RPL10: variants seen among roughly 807,000 people sequenced by gnomAD.
RPL10 encodes the protein large ribosomal subunit protein uL16.
In RPL10, 1 loss-of-function variant was observed where a neutral mutation model predicts 15.7. That is an observed-to-expected ratio of 0.06 (90% confidence interval 0.02 to 0.30). The LOEUF is 0.30. RPL10 is among the 10% of genes least tolerant of loss of function. RPL10 has a pLI of 1.00. For missense variants in RPL10, 54 were observed against 183.4 expected, an observed-to-expected ratio of 0.29 and a Z score of 4.08; for synonymous variants, 59 against 64.0, an observed-to-expected ratio of 0.92 and a Z score of 0.37.
At chrX:154,400,081 G>T in intron 5 of RPL10, 140 bp downstream of exon 5, 1 of 758,716 alleles carries the variant, frequency 1.3e-6, no homozygotes. Flanking sequence ...GTGACTTTCA[G>T]TGGTCACTCA....
chrX:154,399,225 G>A, intron 2 of RPL10, 113 bp from the exon 3 acceptor site: 2 of 743,485 alleles, frequency 2.7e-6, no homozygotes, highest in Non-Finnish European at 4.3e-6. Context: ...AGAAGTGGAC[G>A]TGCATTCCCC....
chrX:154,398,366 C>G (rs781846963), upstream of RPL10: 70 of 690,124 alleles, frequency 1.0e-4, no homozygotes, highest in East Asian at 1.5e-3. Context: ...CATGCGCAGG[C>G]GGAGGAGCGC....
intron 2 of RPL10, chrX:154,398,809 C>G: frequency 2.3e-6 from 1 of 429,876 alleles, no homozygotes; most frequent in Non-Finnish European, 4.2e-6. Flanking sequence ...GCGCTAGATA[C>G]GCTCTTGGGG....
At chrX:154,400,357 T>G (rs781789965) in intron 5 of RPL10, 107 bp from the exon 6 acceptor site, 1 of 859,478 alleles carries the variant, frequency 1.2e-6, no homozygotes, top group South Asian at 2.0e-5. Flanking sequence ...GCAGCTTCCT[T>G]GGTAGTGTAC....
rs1451558823 is a variant in RPL10 at position 154,401,115 on chromosome X, T to C, written c.*261T>C. ...TTGGACCTCCCCAGGTCCTAGGCAG[T>C]AGGTTGAAAAACACTGAAGTGCTTT... On this transcript the variant is annotated 3_prime_UTR_variant, in exon 7 of 7. Coordinates refer to ENST00000369817, the MANE Select transcript of RPL10 (RefSeq NM_006013.5). 7 of 735,915 alleles carry C rather than the reference T, an allele frequency of 9.5e-6. No individual in the cohort carries two copies. Among genetic ancestry groups the C allele is most frequent in the East Asian group, 8.0e-5 (2 of 25,007 alleles). 60.6% of individuals were successfully genotyped at this position (735,915 alleles called of 1,213,427 possible).
rs1219945270 is a variant in RPL10 at position 154,401,129 on chromosome X, C to A, written c.*275C>A. 2 of 610,159 alleles carry A rather than the reference C, an allele frequency of 3.3e-6. No homozygotes were observed. Among genetic ancestry groups the A allele is most frequent in the Admixed American group, 8.2e-5 (2 of 24,387 alleles). The allele number at this position is 610,159 out of a possible 1,213,427, so 50.3% of individuals were successfully genotyped here. ...GTCCTAGGCAGTAGGTTGAAAAACACTGAAGTGCTTTTCATGAAGCACAGC... is the reference window on the plus strand; with the variant it reads ...GTCCTAGGCAGTAGGTTGAAAAACAATGAAGTGCTTTTCATGAAGCACAGC... On this transcript the variant is annotated 3_prime_UTR_variant, in exon 7 of 7. Coordinates refer to ENST00000369817, the MANE Select transcript of RPL10 (RefSeq NM_006013.5).
rs983750224 is a variant in RPL10, at chrX:154,401,989, C to T, written c.*1135C>T. ...TTTGCTGTGTCCTGCAGCCCCTTTC[C>T]GGGACACCTGGGTTCACACAGCTTT... On this transcript the variant is annotated 3_prime_UTR_variant, in exon 7 of 7. Transcript: ENST00000369817. The T allele has an allele frequency of 9.0e-6, 1 of 111,647 alleles. No individual in the cohort carries two copies. Among genetic ancestry groups the T allele is most frequent in the Non-Finnish European group, 1.9e-5 (1 of 53,175 alleles). 9.2% of individuals were successfully genotyped at this position (111,647 alleles called of 1,213,427 possible).
rs782330029 is a variant in RPL10, at chrX:154,400,874, C to T, written c.*20C>T. 7.4e-6 allele frequency: 9 copies of T among 1,210,938 alleles called. No individual in the cohort carries two copies. The highest frequency in any genetic ancestry group is 1.8e-5 in the South Asian group (1 of 56,911). On this transcript the variant is annotated 3_prime_UTR_variant, in exon 7 of 7. Coordinates refer to ENST00000369817, the MANE Select transcript of RPL10 (RefSeq NM_006013.5). ...TCATGAGGGCTTCCAATGTGCTGCC[C>T]CCCTCTTAATACTCACCAATAAATT... is the stretch of plus-strand genomic sequence containing the variant.
chrX:154,398,172 G>A (rs782729954), upstream of RPL10: 1 of 422,359 alleles, frequency 2.4e-6, no homozygotes, highest in South Asian at 2.7e-5. Context: ...AGCCCCATTC[G>A]TCAGCTGGCC....
chrX:154,399,148 G>A (rs1165853163), intron 2 of RPL10, among the ~76,000 whole-genome samples, 190 bp from the exon 3 acceptor site: 4 of 112,169 alleles, frequency 3.6e-5, no homozygotes, highest in African/African-American at 1.3e-4. Flanking sequence ...TTCTAGTCTT[G>A]GGTGTTGTCT....
In RPL10 at chrX:154,400,797, G is replaced by A. The variant is rs1557185850; in HGVS notation, c.588G>A (p.Gly196=). ...AGCGGCTCATCCCAGATGGCTGTGG[G>A]GTCAAGTACATCCCCAGTCGTGGCC... The part of the protein sequence containing the change: ...AEKRLIPDGC[G]VKYIPSRGPL... Residue 196 remains glycine (G), a synonymous_variant, in exon 7 of 7, where the codon GGG becomes GGA. Transcript: ENST00000369817. 2 of 1,209,916 alleles carry A rather than the reference G, an allele frequency of 1.7e-6. No homozygotes were observed. The highest frequency in any genetic ancestry group is 3.5e-5 in the African/African-American group (2 of 57,178).
Position 154,400,640 on chromosome X carries a change from C to T in RPL10, c.492+14C>T, listed in dbSNP as rs1557185789. The T allele has an allele frequency of 8.3e-7, 1 of 1,211,387 alleles. No homozygotes were observed. Among genetic ancestry groups the T allele is most frequent in the South Asian group, 1.8e-5 (1 of 57,010 alleles). The stretch of plus-strand genomic sequence containing the variant: ...GGCCGCCAGAAGGTATGTAGTGCTG[C>T]AGCCCCCTTCTCCCACCTTTGCCCC... On this transcript the variant is annotated intron_variant, in intron 6 of 6. Coordinates refer to ENST00000369817, the MANE Select transcript of RPL10 (RefSeq NM_006013.5).
chrX:154,401,170 C>G lies in RPL10; in HGVS notation c.*316C>G. ...GAAGCACAGCTGCAGCAAAGCCTTG[C>G]AATCCCAGGCTGGGGTCAGCCTACA... On this transcript the variant is annotated 3_prime_UTR_variant, in exon 7 of 7. Transcript: ENST00000369817. 1 of 391,471 alleles carries G rather than the reference C, an allele frequency of 2.6e-6. No individual in the cohort carries two copies. Among genetic ancestry groups the G allele is most frequent in the Non-Finnish European group, 4.2e-6 (1 of 238,735 alleles). 32.3% of individuals were successfully genotyped at this position (391,471 alleles called of 1,213,427 possible).
In RPL10 at chrX:154,401,695, G is replaced by T. The variant is rs2068040315; in HGVS notation, c.*841G>T. 1.8e-5 allele frequency: 2 copies of T among 112,033 alleles called. No homozygotes were observed. The highest frequency in any genetic ancestry group is 3.2e-5 in the African/African-American group (1 of 30,771). The allele number at this position is 112,033 out of a possible 1,213,427, so 9.2% of individuals were successfully genotyped here. ...CCAGAGCTGGGGTATGTTGGCCCCA[G>T]CCCCCAGCCTGTGGCTCCCAAAAGG... On this transcript the variant is annotated 3_prime_UTR_variant, in exon 7 of 7. Coordinates refer to ENST00000369817, the MANE Select transcript of RPL10 (RefSeq NM_006013.5).
chrX:154,398,649 C>T (rs2067959768), intron 2 of RPL10, 107 bp downstream of exon 2: 14 of 1,010,402 alleles, frequency 1.4e-5, no homozygotes, highest in South Asian at 3.8e-5. Context: ...GTGCGGCGGC[C>T]CTGTCTTGGG....
Position 154,401,648 on chromosome X carries a change from A to C in RPL10, c.*794A>C, listed in dbSNP as rs1453236874. 1 of 111,647 alleles carries C rather than the reference A, an allele frequency of 9.0e-6. No homozygotes were observed. The highest frequency in any genetic ancestry group is 1.9e-5 in the Non-Finnish European group (1 of 53,068). The allele number at this position is 111,647 out of a possible 1,213,427, so 9.2% of individuals were successfully genotyped here. A position where few individuals can be genotyped will look rare whatever the true frequency, so the allele number is the denominator to read the frequency against. The stretch of plus-strand genomic sequence containing the variant: ...GGCCTGAGCATCTGTATCCAGGGAC[A>C]GGACTCCAAAGGCTTTTGGTCCCAG... On this transcript the variant is annotated 3_prime_UTR_variant, in exon 7 of 7. Coordinates refer to ENST00000369817, the MANE Select transcript of RPL10 (RefSeq NM_006013.5).
In RPL10 at chrX:154,398,403, G is replaced by C. The variant is rs782023995; in HGVS notation, c.-24+9G>C. ...TCTTTCCCTTCGGTGTGGTGAGTAAGCGCAGTTGTCGTCTCTTGCGGTGCC... is the reference window on the plus strand; with the variant it reads ...TCTTTCCCTTCGGTGTGGTGAGTAACCGCAGTTGTCGTCTCTTGCGGTGCC... On this transcript the variant is annotated intron_variant, in intron 1 of 6. Coordinates refer to ENST00000369817, the MANE Select transcript of RPL10 (RefSeq NM_006013.5). The C allele has an allele frequency of 8.7e-6, 8 of 923,985 alleles. No homozygotes were observed. Among genetic ancestry groups the C allele is most frequent in the Admixed American group, 4.4e-5 (2 of 45,654 alleles). The allele number at this position is 923,985 out of a possible 1,213,427, so 76.1% of individuals were successfully genotyped here. A position where few individuals can be genotyped will look rare whatever the true frequency, so the allele number is the denominator to read the frequency against.
chrX:154,398,374 C>A, upstream of RPL10: 1 of 729,743 alleles, frequency 1.4e-6, no homozygotes, highest in Non-Finnish European at 2.2e-6. Context: ...GGCGGAGGAG[C>A]GCCTCTTTCC....
chrX:154,399,764 A>G, intron 4 of RPL10, 39 bp from the exon 5 acceptor site: 1 of 1,208,238 alleles, frequency 8.3e-7, no homozygotes, highest in Non-Finnish European at 1.1e-6. Context: ...TTTCTCTATT[A>G]TCTTCTCTCA....
Sources: allele counts gnomAD v4.1 joint callset (sites outside exome capture counted in the v4.1 genomes callset), GRCh38; gene constraint gnomAD v4.1.1; transcripts MANE v1.5; gene names NCBI Gene and HGNC (gene_info 2026-07-23, HGNC 2026-07-21).